Variants in SOS2 observed in about 807,000 individuals in gnomAD.
SOS2 encodes son of sevenless homolog 2.
In SOS2, 65 loss-of-function variants were observed where a neutral mutation model predicts 148.2. The observed-to-expected ratio is 0.44, with a 90% CI of 0.36 to 0.54. SOS2 has a LOEUF of 0.54. SOS2 is among the 20% of genes least tolerant of loss of function. SOS2 has a pLI of 0.00. For synonymous variants in SOS2, 539 were observed against 537.1 expected (o/e 1.00, Z -0.05); for missense variants, 1,341 against 1,590.2 (o/e 0.84, Z 2.67).
In SOS2 at chr14:50,158,959, C is replaced by T. The variant is rs559792870; in HGVS notation, c.1853-313G>A. 6.6e-5 allele frequency among the ~76,000 whole-genome samples: 10 copies of T among 151,960 alleles called. No homozygotes were observed. In the South Asian group the frequency reaches 1.0e-3, roughly 16 times the overall value. On this transcript the variant is annotated intron_variant, in intron 10 of 22. Coordinates refer to ENST00000216373, the MANE Select transcript of SOS2 (RefSeq NM_006939.4). ...CAGCACTTTGGGAGGCCGAGGTGGG[C>T]GGATCACGAGGTCAGGAGATCGAAA...
intron 1 of SOS2, among the ~76,000 whole-genome samples, chr14:50,211,015 G>A (rs535164084): frequency 1.5e-5 from 2 of 136,534 alleles, no homozygotes; most frequent in African/African-American, 5.5e-5. Context: ...GTCTATGACT[G>A]AGCAATTCCA....
Position 50,133,971 on chromosome 14 carries a change from T to G in SOS2, c.3075+152A>C, listed in dbSNP as rs74049157. 6 of 625,914 alleles carry G rather than the reference T, an allele frequency of 9.6e-6. No individual in the cohort carries two copies. In the Admixed American group the frequency reaches 1.5e-4, roughly 16 times the overall value. The allele number at this position is 625,914 out of a possible 1,614,324, so 38.8% of individuals were successfully genotyped here. On this transcript the variant is annotated intron_variant, in intron 19 of 22. Transcript: ENST00000216373. ...CCAGATTTTATCAAAAGGCTGACAT[T>G]TCCCCCCCCAGTTTTAGAAATAGTA...
Position 50,184,662 on chromosome 14 carries a change from G to A in SOS2, c.715-2056C>T, listed in dbSNP as rs142911559. 1.4e-3 allele frequency among the ~76,000 whole-genome samples: 209 copies of A among 152,014 alleles called. 1 individual carries two copies. The highest frequency in any genetic ancestry group is 4.7e-3 in the African/African-American group (195 of 41,462). ...CACCCACTGACCTCTAAAAAATTGG[G>A]GAAAGAGCCTGGGAAACATGGCAAA... On this transcript the variant is annotated intron_variant, in intron 5 of 22. Transcript: ENST00000216373.
chr14:50,216,355 C>T (rs188580526), intron 1 of SOS2, among the ~76,000 whole-genome samples: 75 of 152,088 alleles, frequency 4.9e-4, no homozygotes, highest in African/African-American at 1.6e-3. Context: ...CCTCAGCCTC[C>T]CAAAGTGTTG....
At chr14:50,197,382 A>G (rs867263847) in intron 4 of SOS2, among the ~76,000 whole-genome samples, 55 of 152,214 alleles carry the variant, frequency 3.6e-4, no homozygotes, top group African/African-American at 1.2e-3. Context: ...ACCACTAATG[A>G]GACACAATGA....
At chr14:50,173,239 G>A (rs980824495) in intron 8 of SOS2, among the ~76,000 whole-genome samples, 12 of 152,026 alleles carry the variant, frequency 7.9e-5, no homozygotes, top group Admixed American at 3.9e-4. Flanking sequence ...AGACAGTTAC[G>A]ACTTTTTCCG....
At chr14:50,214,120 C>T (rs1886971315) in intron 1 of SOS2, among the ~76,000 whole-genome samples, 1 of 148,652 alleles carries the variant, frequency 6.7e-6, no homozygotes, top group Non-Finnish European at 1.5e-5. Context: ...TCATAACAAG[C>T]TTTGCAGAGC....
intron 5 of SOS2, among the ~76,000 whole-genome samples, chr14:50,183,224 A>G (rs1885800146): frequency 6.6e-6 from 1 of 152,152 alleles, no homozygotes; most frequent in Non-Finnish European, 1.5e-5. Flanking sequence ...AGAGGTAGAA[A>G]CTATTAATAG....
chr14:50,230,291 C>G (rs1193286241), intron 1 of SOS2, among the ~76,000 whole-genome samples: 1 of 152,088 alleles, frequency 6.6e-6, no homozygotes, highest in Non-Finnish European at 1.5e-5. Flanking sequence ...GCACAAAAGG[C>G]AGAAGAGACT....
intron 17 of SOS2, among the ~76,000 whole-genome samples, chr14:50,139,401 T>C (rs1024495181): frequency 1.0e-4 from 15 of 150,702 alleles, no homozygotes; most frequent in African/African-American, 3.5e-4. Context: ...CATTTTTGGT[T>C]ACCACAACTC....
chr14:50,154,519 AG>A (rs754894151), intron 12 of SOS2, among the ~76,000 whole-genome samples: 1 of 152,236 alleles, frequency 6.6e-6, no homozygotes, highest in Non-Finnish European at 1.5e-5. Flanking sequence ...ACAGTAAGAC[AG>A]GTAAGATAAA....
intron 1 of SOS2, among the ~76,000 whole-genome samples, chr14:50,206,513 T>C (rs1886662941): frequency 6.6e-6 from 1 of 152,240 alleles, no homozygotes; most frequent in African/African-American, 2.4e-5. Flanking sequence ...AGTGGTTATA[T>C]TGTATTGTTT....
At chr14:50,145,134 C>T (rs199877047) in intron 16 of SOS2, 36 bp downstream of exon 16, 4 of 1,248,684 alleles carry the variant, frequency 3.2e-6, no homozygotes, top group South Asian at 2.4e-5. Context: ...TTTCATCATC[C>T]CCGAGAAAAA....
At position 50,182,493 on chromosome 14, in the gene SOS2, T is replaced by G; in HGVS notation, c.828A>C (p.Leu276Phe). The change falls in exon 6 of 23, where the codon TTA becomes TTC. Residue 276 changes from leucine to phenylalanine, a missense_variant. This residue lies in a region of SOS2 where 574 missense variants were observed against 711.1 expected (regional missense o/e 0.81). Transcript: ENST00000216373. ...EMTDESSPHP[L>F]AGSCFEDLAE... is the part of the protein sequence containing the mutation. ...CCAAATCTTCAAAACAGCTGCCAGC[T>G]AAGGGATGAGGACTGCTTTCATCAG... 1 of 1,614,030 alleles carries G rather than the reference T, an allele frequency of 6.2e-7. No individual in the cohort carries two copies. The highest frequency in any genetic ancestry group is 8.5e-7 in the Non-Finnish European group (1 of 1,179,928).
intron 13 of SOS2, among the ~76,000 whole-genome samples, chr14:50,151,943 C>T (rs891642792): frequency 1.3e-5 from 2 of 151,968 alleles, no homozygotes; most frequent in African/African-American, 4.8e-5. Context: ...AGACTGGTCT[C>T]AAACTTCTGG....
chr14:50,168,306 C>G (rs906035980), intron 8 of SOS2, among the ~76,000 whole-genome samples: 2 of 152,150 alleles, frequency 1.3e-5, no homozygotes, highest in East Asian at 1.9e-4. Context: ...ATTACAGCCT[C>G]TAATTCCTGG....
At chr14:50,199,915 A>T (rs921210133) in intron 3 of SOS2, 60 bp from the exon 4 acceptor site, 4 of 1,066,666 alleles carry the variant, frequency 3.8e-6, no homozygotes, top group East Asian at 2.7e-5. Flanking sequence ...TTACACACTT[A>T]AAAAATTCCT....
intron 18 of SOS2, among the ~76,000 whole-genome samples, chr14:50,136,156 T>C (rs1227797204): frequency 1.7e-4 from 26 of 152,248 alleles, no homozygotes; most frequent in Admixed American, 1.7e-3. Context: ...CTAAATTAAA[T>C]ATTAGCCACT....
chr14:50,129,744 T>G (rs1883806316), intron 21 of SOS2, among the ~76,000 whole-genome samples: 1 of 152,188 alleles, frequency 6.6e-6, no homozygotes, highest in Non-Finnish European at 1.5e-5. Context: ...GTAAGTAATT[T>G]CTTCAAGGCC....
Sources: allele counts gnomAD v4.1 joint callset (sites outside exome capture counted in the v4.1 genomes callset), GRCh38; gene constraint gnomAD v4.1.1; regional missense constraint gnomAD v4.1.1; transcripts MANE v1.5; gene names NCBI Gene and HGNC (gene_info 2026-07-23, HGNC 2026-07-21).